The following RNF130 variants were observed in gnomAD, a reference collection of about 807,000 sequenced individuals.
RNF130 encodes E3 ubiquitin-protein ligase RNF130.
In RNF130, 21 loss-of-function variants were observed where a neutral mutation model predicts 44.6. The ratio of observed to expected loss-of-function variants is 0.47; its 90% CI spans 0.33 to 0.68. The LOEUF (loss-of-function observed/expected upper bound fraction) is 0.68, where lower values mean the gene tolerates loss of function less well. Among genes scored for constraint, RNF130 ranks in the 30% least tolerant of loss-of-function variants. The pLI, the probability that RNF130 is intolerant of heterozygous loss-of-function variation, is 0.02. For missense variants in RNF130, 479 were observed against 560.6 expected (o/e 0.85, Z 1.47); for synonymous variants, 214 against 210.4 (o/e 1.02, Z -0.15).
intron 5 of RNF130, among the ~76,000 whole-genome samples, 186 bp downstream of exon 5, chr5:179,978,017 C>T (rs558865185): frequency 3.9e-5 from 6 of 152,362 alleles, no homozygotes; most frequent in African/African-American, 7.2e-5. Context: ...CCGTGCAGCC[C>T]GCACCTGCTG....
downstream of RNF130, among the ~76,000 whole-genome samples, chr5:179,952,418 C>T (rs1387041064): frequency 6.6e-6 from 1 of 151,954 alleles, no homozygotes; most frequent in African/African-American, 2.4e-5. Flanking sequence ...AGATGGCTTC[C>T]AAATATCTAA....
At chr5:179,933,414 G>GTGTGTGTGTGTGTGTGTGTGTGTA (rs1191114340) in intron 7 of RNF130, among the ~76,000 whole-genome samples, 5 of 151,826 alleles carry the variant, frequency 3.3e-5, no homozygotes, top group African/African-American at 4.8e-5. Flanking sequence ...GTGTGTGTGT[G>GTGTGTGTGTGTGTGTGTGTGTGTA]TGTGTGTGAG....
intron 1 of RNF130, among the ~76,000 whole-genome samples, chr5:180,050,645 A>C (rs1450688821): frequency 6.6e-6 from 1 of 152,142 alleles, no homozygotes; most frequent in African/African-American, 2.4e-5. Flanking sequence ...CTTATTCTAC[A>C]TCCTTCAGAA....
rs113009837 is a variant in RNF130, at chr5:179,934,707, T to C, written c.1151-14281A>G. ...ACAGGTGTGCGCCACCACATCCGGC[T>C]ACTTTATTTTTATTCTTGTAGAGAT... On this transcript the variant is annotated intron_variant, in intron 7 of 7. Coordinates refer to the RNF130 transcript ENST00000522208. 3.8e-3 allele frequency among the ~76,000 whole-genome samples: 583 copies of C among 152,036 alleles called. 2 individuals are homozygous for C. Among genetic ancestry groups the C allele is most frequent in the Non-Finnish European group, 6.6e-3 (448 of 67,968 alleles).
chr5:179,947,059 C>G (rs1368374485), intron 7 of RNF130, among the ~76,000 whole-genome samples: 1 of 152,180 alleles, frequency 6.6e-6, no homozygotes, highest in Non-Finnish European at 1.5e-5. Flanking sequence ...ACTGACGCAA[C>G]CCTACTGTAC....
intron 7 of RNF130, among the ~76,000 whole-genome samples, chr5:179,944,191 G>C (rs531715433): frequency 1.8e-4 from 28 of 152,122 alleles, no homozygotes; most frequent in African/African-American, 6.7e-4. Flanking sequence ...GGCTGGTCTC[G>C]AACTCCTGAC....
At chr5:179,994,669 C>T (rs565617930) in intron 3 of RNF130, among the ~76,000 whole-genome samples, 1 of 152,254 alleles carries the variant, frequency 6.6e-6, no homozygotes, top group South Asian at 2.1e-4. Flanking sequence ...GGTGGGTGAG[C>T]TGGCTCATAA....
chr5:180,002,204 G>C (rs1235469224), intron 3 of RNF130, among the ~76,000 whole-genome samples: 1 of 152,224 alleles, frequency 6.6e-6, no homozygotes, highest in African/African-American at 2.4e-5. Context: ...TGATTGCTCT[G>C]AGTGTTCAAG....
chr5:179,997,409 C>T (rs760205290), intron 3 of RNF130, among the ~76,000 whole-genome samples: 16 of 151,876 alleles, frequency 1.1e-4, no homozygotes, highest in South Asian at 2.1e-4. Context: ...CTGCAACCTC[C>T]GCCTCCCAGG....
At chr5:179,982,257 C>G (rs934750075) in intron 3 of RNF130, among the ~76,000 whole-genome samples, 1 of 151,018 alleles carries the variant, frequency 6.6e-6, no homozygotes, top group Non-Finnish European at 1.5e-5. Context: ...ATCTAGTATC[C>G]CACTGAAGAG....
intron 1 of RNF130, among the ~76,000 whole-genome samples, chr5:180,068,168 CA>C (rs1424895445): frequency 6.6e-6 from 1 of 152,236 alleles, no homozygotes; most frequent in African/African-American, 2.4e-5. Flanking sequence ...TCTCCTCTCC[CA>C]ACCCCCACTC....
In RNF130 at chr5:180,071,513, C is replaced by T; in HGVS notation, c.190G>A (p.Asp64Asn). The T allele has an allele frequency of 7.4e-7, 1 of 1,344,980 alleles. No individual in the cohort carries two copies. The highest frequency in any genetic ancestry group is 9.6e-7 in the Non-Finnish European group (1 of 1,041,178). 83.3% of individuals were successfully genotyped at this position (1,344,980 alleles called of 1,614,324 possible). ...CCGCGGACCTCGGCCTTGGGGGAGT[C>T]AAGCCCGTAGCGCCCGCGGTCGATG... Reference protein sequence around the residue: ...FRIDRGRYGLDSPKAEVRGQV... With the variant: ...FRIDRGRYGLNSPKAEVRGQV... The change falls in exon 1 of 9, where the codon GAC (aspartate) becomes AAC (asparagine). Residue 64 changes from aspartate (D) to asparagine (N), a missense_variant. Around this residue, in one of 3 missense-constraint regions of RNF130, gnomAD observed 138 missense variants for 126.9 expected, o/e 1.09. Transcript: ENST00000521389.
chr5:179,981,264 G>T (rs554479539), intron 3 of RNF130, among the ~76,000 whole-genome samples: 3 of 152,280 alleles, frequency 2.0e-5, no homozygotes, highest in African/African-American at 7.2e-5. Context: ...CTCACACTGG[G>T]ACAAGGGGCA....
Position 180,071,673 on chromosome 5 carries a change from G to C in RNF130, c.30C>G (p.Ala10=), listed in dbSNP as rs761151354. 4.9e-6 allele frequency: 7 copies of C among 1,418,196 alleles called. No individual in the cohort carries two copies. The South Asian group carries it at 8.6e-5, about 17-fold the overall frequency. 87.9% of individuals were successfully genotyped at this position (1,418,196 alleles called of 1,614,324 possible). Residue 10 remains alanine, a synonymous_variant, in exon 1 of 9, where the codon GCC becomes GCG. Coordinates refer to ENST00000521389, the MANE Select transcript of RNF130 (RefSeq NM_018434.6). MSCAGRAGP[A]RLAALALLTC... is the part of the protein sequence containing the mutation. ...TCAGCAGGGCGAGCGCGGCGAGCCGGGCAGGGCCCGCCCGCCCCGCGCAGC... is the reference window on the plus strand; with the variant it reads ...TCAGCAGGGCGAGCGCGGCGAGCCGCGCAGGGCCCGCCCGCCCCGCGCAGC...
intron 7 of RNF130, 117 bp downstream of exon 7, chr5:179,966,689 C>A: frequency 2.4e-6 from 2 of 819,932 alleles, no homozygotes; most frequent in Non-Finnish European, 3.9e-6. Flanking sequence ...ACACACATCA[C>A]TTTCTTGGTT....
intron 7 of RNF130, among the ~76,000 whole-genome samples, chr5:179,930,989 C>T (rs1396493712): frequency 7.0e-6 from 1 of 143,542 alleles, no homozygotes; most frequent in South Asian, 2.2e-4. Flanking sequence ...GCTGAGATTG[C>T]ACCACTGCTC....
intron 3 of RNF130, among the ~76,000 whole-genome samples, chr5:179,990,563 A>G (rs905437215): frequency 8.5e-5 from 13 of 152,108 alleles, no homozygotes; most frequent in Non-Finnish European, 1.6e-4. Context: ...GGTGGAGCAG[A>G]GTCTTCTCTA....
chr5:180,026,187 C>A (rs1763980548), intron 2 of RNF130, among the ~76,000 whole-genome samples: 1 of 151,122 alleles, frequency 6.6e-6, no homozygotes, highest in African/African-American at 2.4e-5. Context: ...TAAAAAGCAA[C>A]ATTATTATTT....
chr5:180,000,719 A>G (rs1163076088), intron 3 of RNF130, among the ~76,000 whole-genome samples: 1 of 152,074 alleles, frequency 6.6e-6, no homozygotes, highest in Non-Finnish European at 1.5e-5. Flanking sequence ...TGAATTCTTC[A>G]GCTGCAGGAT....
Sources: allele counts gnomAD v4.1 joint callset (sites outside exome capture counted in the v4.1 genomes callset), GRCh38; gene constraint gnomAD v4.1.1; regional missense constraint gnomAD v4.1.1; transcripts MANE v1.5; gene names NCBI Gene and HGNC (gene_info 2026-07-23, HGNC 2026-07-21).